Variants in CUBN observed in about 807,000 individuals in gnomAD.
CUBN encodes the protein 460 kDa receptor.
Under a neutral mutation model 405.3 loss-of-function variants are expected in CUBN, and 282 were observed. The ratio of observed to expected loss-of-function variants is 0.70; its 90% CI spans 0.63 to 0.77. The LOEUF (loss-of-function observed/expected upper bound fraction) is 0.77, where lower values mean the gene tolerates loss of function less well. Ranked by LOEUF, CUBN falls within the 30% of genes least tolerant of loss-of-function variation. The pLI is 0.00. For missense variants in CUBN, 4,514 were observed against 4,475.2 expected (o/e 1.01, Z -0.25); for synonymous variants, 1,684 against 1,617.0 (o/e 1.04, Z -0.99).
rs370911149 is a variant in CUBN, at chr10:16,904,008, G to A, written c.8020C>T (p.Arg2674Cys). The A allele has an allele frequency of 3.5e-5, 57 of 1,612,964 alleles. No homozygotes were observed. The African/African-American group carries it at 4.3e-4, about 12-fold the overall frequency. The change falls in exon 51 of 67, where the codon CGT becomes TGT. Residue 2674 changes from arginine to cysteine, a missense_variant. Arg to Cys is a radical substitution (Grantham distance 180). Coordinates refer to ENST00000377833, the MANE Select transcript of CUBN (RefSeq NM_001081.4). ...QVWIHFVTNE[R>C]VEHIGFHAKY... ...GCATGGAATCCAATGTGTTCTACAC[G>A]TTCGTTGGTGACAAAGTGAATCCAT...
intron 28 of CUBN, among the ~76,000 whole-genome samples, chr10:17,006,096 G>A (rs1308375483): frequency 1.3e-5 from 2 of 152,146 alleles, no homozygotes; most frequent in Non-Finnish European, 2.9e-5. Flanking sequence ...CAGCCTCCAG[G>A]AGACAGCACA....
At chr10:16,971,104 A>G (rs1195735303) in intron 31 of CUBN, among the ~76,000 whole-genome samples, 1 of 152,198 alleles carries the variant, frequency 6.6e-6, no homozygotes, top group Non-Finnish European at 1.5e-5. Context: ...AACTCTGTTA[A>G]AAATCTCCTG....
At chr10:17,076,288 C>T (rs1173175010) in intron 17 of CUBN, among the ~76,000 whole-genome samples, 4 of 152,088 alleles carry the variant, frequency 2.6e-5, no homozygotes, top group Admixed American at 2.6e-4. Context: ...CTCTCTCTCT[C>T]TGTGGAAATG....
intron 30 of CUBN, among the ~76,000 whole-genome samples, chr10:16,982,977 A>G (rs1833317167): frequency 7.2e-6 from 1 of 139,300 alleles, no homozygotes; most frequent in Non-Finnish European, 1.6e-5. Flanking sequence ...CTAAAAATAT[A>G]GCATACTGGA....
chr10:17,054,221 C>T (rs1835336282), intron 22 of CUBN, among the ~76,000 whole-genome samples: 1 of 150,962 alleles, frequency 6.6e-6, no homozygotes, highest in South Asian at 2.1e-4. Context: ...ATCCCAGCTA[C>T]TTGGGAGGCT....
At chr10:16,901,736 C>T (rs1841377895) in intron 51 of CUBN, among the ~76,000 whole-genome samples, 1 of 151,298 alleles carries the variant, frequency 6.6e-6, no homozygotes, top group African/African-American at 2.4e-5. Context: ...TGCCTGTAAT[C>T]CCAGGTATTC....
chr10:16,939,585 A>C (rs114904521), intron 37 of CUBN, among the ~76,000 whole-genome samples: 2 of 152,370 alleles, frequency 1.3e-5, no homozygotes, highest in African/African-American at 4.8e-5. Context: ...AAAATATTTA[A>C]CATTTTATAC....
At chr10:16,980,906 C>A (rs35046665) in intron 31 of CUBN, among the ~76,000 whole-genome samples, 11 of 92,308 alleles carry the variant, frequency 1.2e-4, no homozygotes, top group African/African-American at 3.2e-4. Flanking sequence ...AAAAAAAAAA[C>A]CCTTCAAAAT....
At chr10:16,884,614 C>G (rs937862369) in intron 56 of CUBN, among the ~76,000 whole-genome samples, 1 of 152,150 alleles carries the variant, frequency 6.6e-6, no homozygotes, top group Non-Finnish European at 1.5e-5. Context: ...CAACATTAAA[C>G]TTGGAGCAAC....
At chr10:16,886,781 G>A (rs1253842185) in intron 56 of CUBN, among the ~76,000 whole-genome samples, 2 of 152,100 alleles carry the variant, frequency 1.3e-5, no homozygotes, top group Non-Finnish European at 2.9e-5. Flanking sequence ...TAAAAGCAGG[G>A]CACATATATT....
At chr10:16,987,243 C>T (rs533825976) in intron 29 of CUBN, among the ~76,000 whole-genome samples, 7 of 152,182 alleles carry the variant, frequency 4.6e-5, no homozygotes, top group East Asian at 1.9e-4. Context: ...CAAATAAAAC[C>T]GATAGTACAT....
rs201002903 is a variant in CUBN, at chr10:16,915,084, G to A, written c.7299C>T (p.Asp2433=). The change falls in exon 47 of 67, where the codon GAC becomes GAT. Residue 2433 remains aspartate, a synonymous_variant. Coordinates refer to ENST00000377833, the MANE Select transcript of CUBN (RefSeq NM_001081.4). ...TGAATCCTGAGGCAGTCACAGAGCC[G>A]TCTGTGACAAACCTGACCACAGCAG... ...SNTAVVRFVT[D]GSVTASGFRL... is the part of the protein sequence containing the mutation. 6.8e-5 allele frequency: 110 copies of A among 1,613,856 alleles called. No homozygotes were observed. The highest frequency in any genetic ancestry group is 6.7e-4 in the East Asian group (30 of 44,892).
chr10:16,877,451 G>A (rs1406478483), intron 56 of CUBN, among the ~76,000 whole-genome samples: 7 of 152,056 alleles, frequency 4.6e-5, no homozygotes, highest in African/African-American at 1.4e-4. Context: ...CTGTCACACT[G>A]TAGAGTGGAG....
chr10:16,902,440 C>T (rs1841424253), intron 51 of CUBN, among the ~76,000 whole-genome samples: 1 of 149,360 alleles, frequency 6.7e-6, no homozygotes, highest in African/African-American at 2.5e-5. Flanking sequence ...TAACAAAATT[C>T]CATACGGTAT....
chr10:17,084,637 T>C (rs1836062439), intron 16 of CUBN, among the ~76,000 whole-genome samples, 176 bp from the exon 17 acceptor site: 1 of 152,220 alleles, frequency 6.6e-6, no homozygotes, highest in Non-Finnish European at 1.5e-5. Flanking sequence ...TGATGTGTTG[T>C]GGGACATCTC....
At chr10:16,964,517 T>G (rs1288414016) in intron 31 of CUBN, among the ~76,000 whole-genome samples, 1 of 152,214 alleles carries the variant, frequency 6.6e-6, no homozygotes, top group Non-Finnish European at 1.5e-5. Flanking sequence ...AACCAAAATT[T>G]CAATAGCTTG....
Position 16,915,853 on chromosome 10 carries a change from T to G in CUBN, c.7178A>C (p.Asp2393Ala). The part of the protein sequence containing the change: ...NLQNSSGCEK[D>A]FVEIWDNHTS... ...ATGATTGTCCCAGATCTCCACGAAG[T>G]CTTTTTCACAGCCAGAAGAATTCTG... The change falls in exon 46 of 67, where the codon GAC becomes GCC. Residue 2393 changes from aspartate to alanine, a missense_variant. By Grantham distance (126) the Asp-to-Ala change is moderately radical. Coordinates refer to ENST00000377833, the MANE Select transcript of CUBN (RefSeq NM_001081.4). 6.2e-7 allele frequency: 1 copy of G among 1,613,862 alleles called. No homozygotes were observed. Among genetic ancestry groups the G allele is most frequent in the South Asian group, 1.1e-5 (1 of 91,072 alleles).
At chr10:17,037,629 G>A (rs1834928253) in intron 27 of CUBN, among the ~76,000 whole-genome samples, 1 of 152,202 alleles carries the variant, frequency 6.6e-6, no homozygotes, top group Non-Finnish European at 1.5e-5. Flanking sequence ...AAGAGGCACT[G>A]ACATACAAGA....
Position 16,835,004 on chromosome 10 carries a change from T to C in CUBN, c.10362+10A>G. ...ATAATTCATTCAAACGATATTCAAA[T>C]GCATATCACCTCCAAGAAATCGTTT... On this transcript the variant is annotated intron_variant, in intron 64 of 66. Coordinates refer to ENST00000377833, the MANE Select transcript of CUBN (RefSeq NM_001081.4). The C allele has an allele frequency of 1.9e-6, 3 of 1,611,338 alleles. No homozygotes were observed. The highest frequency in any genetic ancestry group is 2.5e-6 in the Non-Finnish European group (3 of 1,177,468).
Sources: allele counts gnomAD v4.1 joint callset (sites outside exome capture counted in the v4.1 genomes callset), GRCh38; gene constraint gnomAD v4.1.1; transcripts MANE v1.5; gene names NCBI Gene and HGNC (gene_info 2026-07-23, HGNC 2026-07-21).